THUMPD2: variants seen among roughly 807,000 people sequenced by gnomAD.
The protein encoded by THUMPD2 is THUMP domain 2 tRNA and snRNA guanosine methyltransferase, also known as U6 snRNA (guanine-N(2))-methyltransferase THUMPD2.
Under a neutral mutation model 49.4 loss-of-function variants are expected in THUMPD2, and 56 were observed. The ratio of observed to expected loss-of-function variants is 1.13; its 90% CI spans 0.91 to 1.41. The LOEUF is 1.41. Among genes scored for constraint, THUMPD2 ranks in the 40% most tolerant of loss-of-function variants. The pLI is 0.00. For synonymous variants in THUMPD2, 237 were observed against 205.2 expected, an observed-to-expected ratio of 1.15 and a Z score of -1.32; for missense variants, 709 against 594.5, an observed-to-expected ratio of 1.19 and a Z score of -2.00.
intron 1 of THUMPD2, among the ~76,000 whole-genome samples, chr2:39,776,925 T>C (rs1327861482): frequency 6.6e-6 from 1 of 152,248 alleles, no homozygotes; most frequent in Non-Finnish European, 1.5e-5. Flanking sequence ...GCTTCCTCAG[T>C]GATTCTTATG....
chr2:39,773,007 T>TG (rs1425389080), intron 1 of THUMPD2, among the ~76,000 whole-genome samples: 1 of 151,990 alleles, frequency 6.6e-6, no homozygotes, highest in East Asian at 1.9e-4. Context: ...CCAAAATAGA[T>TG]GGAGGAACAG....
intron 9 of THUMPD2, among the ~76,000 whole-genome samples, chr2:39,740,295 A>G (rs920924071): frequency 1.3e-5 from 2 of 152,240 alleles, no homozygotes; most frequent in African/African-American, 4.8e-5. Context: ...ACATACATAT[A>G]ATGTGGCAAC....
At chr2:39,777,918 T>C (rs1430049758) in intron 1 of THUMPD2, among the ~76,000 whole-genome samples, 1 of 152,180 alleles carries the variant, frequency 6.6e-6, no homozygotes, top group Admixed American at 6.5e-5. Context: ...CTCTCTTTCA[T>C]ACCAAGCACT....
intron 1 of THUMPD2, among the ~76,000 whole-genome samples, chr2:39,774,331 G>A (rs1364010836): frequency 1.3e-5 from 2 of 152,128 alleles, no homozygotes; most frequent in East Asian, 1.9e-4. Flanking sequence ...TTATTTCAGC[G>A]TTTACTATCA....
At chr2:39,762,381 T>C (rs1397012338) in intron 5 of THUMPD2, among the ~76,000 whole-genome samples, 1 of 152,180 alleles carries the variant, frequency 6.6e-6, no homozygotes, top group African/African-American at 2.4e-5. Flanking sequence ...CTCTCATCTT[T>C]CTTTGACTTT....
chr2:39,776,394 A>AT lies in THUMPD2; in HGVS notation c.126+2719dup, dbSNP rs34586675. Among the ~76,000 whole-genome samples, 770 of 135,662 alleles carry AT rather than the reference A, an allele frequency of 5.7e-3. 6 individuals carry two copies. Among genetic ancestry groups the AT allele is most frequent in the African/African-American group, 0.017 (613 of 36,366 alleles). The allele number at this position is 135,662 out of a possible 152,430, so 89.0% of individuals were successfully genotyped here. A position where few individuals can be genotyped will look rare whatever the true frequency, so the allele number is the denominator to read the frequency against. ...CTACACCATAGAGACTCAGTATACT[A>AT]TTTTTTTTTTTTTTTTTGAGATGGA... is the stretch of plus-strand genomic sequence containing the variant. On this transcript the variant is annotated intron_variant, in intron 1 of 9. Transcript: ENST00000505747.
chr2:39,754,820 TA>T (rs1376119395), intron 8 of THUMPD2, among the ~76,000 whole-genome samples: 1 of 152,208 alleles, frequency 6.6e-6, no homozygotes, highest in Non-Finnish European at 1.5e-5. Flanking sequence ...ATTTTAGCAC[TA>T]AAAGTCCTGG....
At chr2:39,763,389 G>C (rs1004454292) in intron 5 of THUMPD2, among the ~76,000 whole-genome samples, 2 of 151,860 alleles carry the variant, frequency 1.3e-5, no homozygotes, top group African/African-American at 4.8e-5. Flanking sequence ...CTTGTGCCAC[G>C]TACTATCCAT....
chr2:39,779,205 G>A lies in THUMPD2; in HGVS notation c.35C>T (p.Pro12Leu), dbSNP rs796203716. The A allele has an allele frequency of 2.1e-5, 31 of 1,511,036 alleles. No individual in the cohort carries two copies. The highest frequency in any genetic ancestry group is 1.5e-4 in the Admixed American group (7 of 47,902). The allele number at this position is 1,511,036 out of a possible 1,614,324, so 93.6% of individuals were successfully genotyped here. A position where few individuals can be genotyped will look rare whatever the true frequency, so the allele number is the denominator to read the frequency against. The change falls in exon 1 of 10, where the codon CCT becomes CTT. Residue 12 changes from proline to leucine, a missense_variant. Physicochemically the swap from Pro to Leu is moderately conservative, Grantham distance 98 (BLOSUM62 -3). Coordinates refer to ENST00000505747, the MANE Select transcript of THUMPD2 (RefSeq NM_025264.5). ...SEARGEPGSG[P>L]EAGARFFCTA... ...GCAGAAGAATCGGGCGCCAGCCTCA[G>A]GCCCGGACCCTGGCTCTCCACGCGC... is the stretch of plus-strand genomic sequence containing the variant.
intron 1 of THUMPD2, among the ~76,000 whole-genome samples, chr2:39,773,884 C>G (rs914448659): frequency 3.3e-5 from 5 of 152,272 alleles, no homozygotes; most frequent in Middle Eastern, 3.4e-3. Flanking sequence ...GTAGAATAAG[C>G]ATATTATCAG....
At position 39,762,758 on chromosome 2, in the gene THUMPD2, C is replaced by T. The variant is rs1002046915; in HGVS notation, c.804-1340G>A. Among the ~76,000 whole-genome samples, 4 of 149,528 alleles carry T rather than the reference C, an allele frequency of 2.7e-5. No homozygotes were observed. In the South Asian group the frequency reaches 8.6e-4, roughly 32 times the overall value. ...ACAGTTTGCATTCTAGATGCCAAAA[C>T]TATAAAACAGAGTTTGCATTCTAGA... On this transcript the variant is annotated intron_variant, in intron 5 of 9. Transcript: ENST00000505747.
chr2:39,760,952 T>C (rs943677815), intron 6 of THUMPD2, among the ~76,000 whole-genome samples: 16 of 152,168 alleles, frequency 1.1e-4, no homozygotes, highest in African/African-American at 2.9e-4. Context: ...AGAACATTTC[T>C]TCACTAGAAG....
At chr2:39,760,088 C>T (rs1676624205) in intron 6 of THUMPD2, among the ~76,000 whole-genome samples, 1 of 152,110 alleles carries the variant, frequency 6.6e-6, no homozygotes, top group Non-Finnish European at 1.5e-5. Context: ...TGTGTAAGTG[C>T]TAAGAACTTT....
chr2:39,770,767 T>A (rs1215736465), intron 2 of THUMPD2, among the ~76,000 whole-genome samples: 2 of 152,260 alleles, frequency 1.3e-5, no homozygotes, highest in East Asian at 3.9e-4. Flanking sequence ...TCCCACAGTA[T>A]AATACTTTGG....
At chr2:39,752,232 C>T (rs542704044) in intron 8 of THUMPD2, among the ~76,000 whole-genome samples, 2 of 152,232 alleles carry the variant, frequency 1.3e-5, no homozygotes, top group South Asian at 2.1e-4. Flanking sequence ...TGTAATAAAT[C>T]CTCATCACAG....
In THUMPD2 at chr2:39,755,869, T is replaced by C. The variant is rs764428377; in HGVS notation, c.963+20A>G. 1.2e-6 allele frequency: 2 copies of C among 1,612,174 alleles called. No homozygotes were observed. The highest frequency in any genetic ancestry group is 1.1e-5 in the South Asian group (1 of 91,044). On this transcript the variant is annotated intron_variant, in intron 7 of 9. Coordinates refer to ENST00000505747, the MANE Select transcript of THUMPD2 (RefSeq NM_025264.5). ...ATTAAAGTAGATAAATTGCTTGCTT[T>C]ACCAAACTTTAGAACTTACTGGCCA... is the stretch of plus-strand genomic sequence containing the variant.
At chr2:39,756,279 T>C (rs896141150) in intron 6 of THUMPD2, among the ~76,000 whole-genome samples, 1 of 151,982 alleles carries the variant, frequency 6.6e-6, no homozygotes, top group African/African-American at 2.4e-5. Flanking sequence ...AGGCAGAGTA[T>C]GTGGGCATAG....
chr2:39,777,716 G>GAA (rs1679304506), intron 1 of THUMPD2, among the ~76,000 whole-genome samples: 1 of 152,168 alleles, frequency 6.6e-6, no homozygotes, highest in East Asian at 1.9e-4. Context: ...TACAAGAGCA[G>GAA]AATATGGAAA....
At chr2:39,737,440 G>C (rs1673245395) in intron 9 of THUMPD2, among the ~76,000 whole-genome samples, 2 of 152,160 alleles carry the variant, frequency 1.3e-5, no homozygotes, top group South Asian at 4.1e-4. Flanking sequence ...CAAAGAAATG[G>C]CGAAGGAAAA....
Sources: gnomAD v4.1 joint callset for allele counts (sites outside exome capture counted in the v4.1 genomes callset) on GRCh38, gnomAD v4.1.1 for gene constraint, MANE v1.5 for transcripts, NCBI Gene and HGNC (gene_info 2026-07-23, HGNC 2026-07-21) for gene names.